The following PDK3 variants were observed in gnomAD, a reference collection of about 807,000 sequenced individuals.
PDK3 encodes pyruvate dehydrogenase kinase, isozyme 3.
A neutral mutation model predicts 32.0 loss-of-function variants in PDK3; 12 were observed. The observed-to-expected ratio is 0.37, with a 90% CI of 0.24 to 0.61. The LOEUF (loss-of-function observed/expected upper bound fraction) is 0.61. Among genes scored for constraint, PDK3 ranks in the 20% least tolerant of loss-of-function variants. PDK3 has a pLI of 0.65. For synonymous variants in PDK3, 122 were observed against 116.3 expected, an observed-to-expected ratio of 1.05 and a Z score of -0.31; for missense variants, 188 against 316.9, an observed-to-expected ratio of 0.59 and a Z score of 3.09.
chrX:24,550,107 G>C (rs1403242224), exon 12 of PDK3: 1 of 111,893 alleles, frequency 8.9e-6, no homozygotes, highest in Non-Finnish European at 1.9e-5. Context: ...TTCGCTTTGT[G>C]CCTCTGTCAG....
At chrX:24,527,169 G>A (rs1922541050) in intron 7 of PDK3, among the ~76,000 whole-genome samples, 1 of 110,676 alleles carries the variant, frequency 9.0e-6, no homozygotes, top group African/African-American at 3.3e-5. Context: ...TAGAGAAAAG[G>A]TGCTCTATAA....
chrX:24,473,684 G>A (rs1041852508), intron 1 of PDK3, among the ~76,000 whole-genome samples: 5 of 110,658 alleles, frequency 4.5e-5, no homozygotes, highest in South Asian at 3.9e-4. Context: ...TGATCTACCC[G>A]CCTCTGCCTC....
chrX:24,517,805 A>G (rs919906498), intron 5 of PDK3, among the ~76,000 whole-genome samples: 27 of 111,845 alleles, frequency 2.4e-4, no homozygotes, highest in African/African-American at 8.1e-4. Flanking sequence ...TGCTCCTCAG[A>G]CTTTGATAAA....
rs745498576 is a variant in PDK3, at chrX:24,477,202, T to G, written c.106+11641T>G. 9.8e-5 allele frequency among the ~76,000 whole-genome samples: 11 copies of G among 112,103 alleles called. No homozygotes were observed. In the South Asian group the frequency reaches 4.0e-3, roughly 41 times the overall value. ...TCAGCAAAGTTTATCTGTATCAGTTTCTCCGTAGCCCTGCCAAAATGAGGT... is the reference window on the plus strand; with the variant it reads ...TCAGCAAAGTTTATCTGTATCAGTTGCTCCGTAGCCCTGCCAAAATGAGGT... On this transcript the variant is annotated intron_variant, in intron 1 of 10. Transcript: ENST00000379162.
chrX:24,465,296 AGCTGCT>A lies in PDK3; in HGVS notation c.-148_-143del, dbSNP rs1249682130. 3.0e-6 allele frequency: 1 copy of A among 328,169 alleles called. No homozygotes were observed. The highest frequency in any genetic ancestry group is 5.2e-6 in the Non-Finnish European group (1 of 193,247). 27.0% of individuals were successfully genotyped at this position (328,169 alleles called of 1,213,427 possible). A position where few individuals can be genotyped will look rare whatever the true frequency, so the allele number is the denominator to read the frequency against. ...CGCGGGCGGCCCGCCGCTGTCCTGGAGCTGCTGCTGCTGCTGCGGCGGCTGCACCGG... is the reference window on the plus strand; with the variant it reads ...CGCGGGCGGCCCGCCGCTGTCCTGGAGCTGCTGCTGCGGCGGCTGCACCGG... On this transcript the variant is annotated 5_prime_UTR_variant, in exon 1 of 11. Transcript: ENST00000379162.
chrX:24,495,885 A>G (rs1921688278), intron 2 of PDK3, among the ~76,000 whole-genome samples: 1 of 112,068 alleles, frequency 8.9e-6, no homozygotes, highest in Non-Finnish European at 1.9e-5. Context: ...GTGTGGTCAA[A>G]GGCGGCTCCT....
downstream of PDK3, among the ~76,000 whole-genome samples, chrX:24,537,117 C>CTTTTTTT (rs34294652): frequency 8.5e-5 from 7 of 82,747 alleles, no homozygotes; most frequent in Non-Finnish European, 1.4e-4. Context: ...CTTTTCTTTT[C>CTTTTTTT]TTTTTTTTTT....
intron 2 of PDK3, 77 bp from the exon 3 acceptor site, chrX:24,498,752 G>A (rs1921777811): frequency 3.7e-6 from 2 of 543,720 alleles, no homozygotes; most frequent in South Asian, 4.2e-5. Context: ...TTCTTAGGAA[G>A]AGGGAGAGGA....
At chrX:24,503,247 T>C in intron 3 of PDK3, 80 bp from the exon 4 acceptor site, 1 of 609,561 alleles carries the variant, frequency 1.6e-6, no homozygotes, top group Non-Finnish European at 2.4e-6. Flanking sequence ...AGACAACTAG[T>C]CTGGGGACAG....
intron 1 of PDK3, among the ~76,000 whole-genome samples, chrX:24,472,131 G>A (rs5986441): frequency 0.38 from 41,872 of 110,130 alleles, 6,022 homozygotes; most frequent in African/African-American, 0.52. Context: ...TATTTGCTTT[G>A]TTTTGCCATA....
At chrX:24,478,063 A>G (rs1921153713) in intron 1 of PDK3, among the ~76,000 whole-genome samples, 1 of 112,017 alleles carries the variant, frequency 8.9e-6, no homozygotes, top group Non-Finnish European at 1.9e-5. Flanking sequence ...CACCTTGAAT[A>G]GCATATCATC....
chrX:24,533,139 CTTT>C (rs35816110), intron 10 of PDK3, among the ~76,000 whole-genome samples: 9 of 93,063 alleles, frequency 9.7e-5, no homozygotes, highest in South Asian at 5.4e-4. Context: ...CTTTCTTTTT[CTTT>C]TTTTTTTTTT....
chrX:24,512,467 G>T (rs1028860406), intron 5 of PDK3, among the ~76,000 whole-genome samples: 1 of 111,773 alleles, frequency 8.9e-6, no homozygotes, highest in South Asian at 3.7e-4. Context: ...ACCCACTCAC[G>T]CTAGCTCAAG....
At chrX:24,466,142 AGAGCAGG>A (rs768713572) in intron 1 of PDK3, among the ~76,000 whole-genome samples, 22 of 110,714 alleles carry the variant, frequency 2.0e-4, no homozygotes, top group African/African-American at 7.2e-4. Flanking sequence ...TCCTAGCATC[AGAGCAGG>A]GTCTAATACA....
At chrX:24,477,964 T>G (rs1281048179) in intron 1 of PDK3, among the ~76,000 whole-genome samples, 1 of 112,226 alleles carries the variant, frequency 8.9e-6, no homozygotes, top group Non-Finnish European at 1.9e-5. Context: ...TGAAATTTGG[T>G]GAGGGCAGTT....
chrX:24,478,274 A>C (rs951401628), intron 1 of PDK3, among the ~76,000 whole-genome samples: 11 of 110,857 alleles, frequency 9.9e-5, no homozygotes, highest in African/African-American at 2.3e-4. Context: ...GTGAAACCCC[A>C]TATCTACTAA....
At position 24,518,837 on chromosome X, in the gene PDK3, GCACACACACACACACACA is replaced by G. The variant is rs3222401; in HGVS notation, c.596-70_596-53del. Reference sequence around the variant, plus strand: ...CCTATAGATATATACATGCACATGTGCACACACACACACACACACACACACACACACACACACACACAC... The same window carrying G: ...CCTATAGATATATACATGCACATGTGCACACACACACACACACACACACAC... On this transcript the variant is annotated intron_variant, in intron 5 of 10. Coordinates refer to ENST00000379162, the MANE Select transcript of PDK3 (RefSeq NM_005391.5). The G allele has an allele frequency of 8.3e-4, 309 of 373,063 alleles. 1 individual carries two copies. The highest frequency in any genetic ancestry group is 4.4e-3 in the African/African-American group (157 of 35,361). 30.7% of individuals were successfully genotyped at this position (373,063 alleles called of 1,213,427 possible).
At chrX:24,491,590 A>G (rs190102380) in intron 1 of PDK3, among the ~76,000 whole-genome samples, 43 of 110,946 alleles carry the variant, frequency 3.9e-4, no homozygotes, top group Non-Finnish European at 6.4e-4. Context: ...CACTAAAATG[A>G]CTCAGCAGGA....
At chrX:24,488,046 G>A (rs939198651) in intron 1 of PDK3, among the ~76,000 whole-genome samples, 7 of 105,824 alleles carry the variant, frequency 6.6e-5, no homozygotes, top group Non-Finnish European at 1.4e-4. Flanking sequence ...TTATTATCAG[G>A]TGACTTGATT....
Sources: gnomAD v4.1 joint callset for allele counts (sites outside exome capture counted in the v4.1 genomes callset) on GRCh38, gnomAD v4.1.1 for gene constraint, MANE v1.5 for transcripts, NCBI Gene and HGNC (gene_info 2026-07-23, HGNC 2026-07-21) for gene names.